Variants in COG3 observed in about 807,000 individuals in gnomAD.
COG3 encodes conserved oligomeric Golgi complex subunit 3.
In COG3, 32 loss-of-function variants were observed where a neutral mutation model predicts 114.1. That is an observed-to-expected ratio of 0.28 (90% CI 0.21 to 0.38). The LOEUF (loss-of-function observed/expected upper bound fraction) is 0.38, where lower values mean the gene tolerates loss of function less well. Among genes scored for constraint, COG3 ranks in the 10% least tolerant of loss-of-function variants. COG3 has a pLI of 1.00. For missense variants in COG3, 813 were observed against 973.2 expected, an observed-to-expected ratio of 0.84 and a Z score of 2.19; for synonymous variants, 352 against 365.7, an observed-to-expected ratio of 0.96 and a Z score of 0.43.
intron 1 of COG3, among the ~76,000 whole-genome samples, chr13:45,469,023 G>T (rs1314212600): frequency 2.0e-5 from 3 of 152,144 alleles, no homozygotes; most frequent in Non-Finnish European, 4.4e-5. Context: ...AACTTGTTTT[G>T]CTACTTTAAA....
chr13:45,525,162 T>C (rs898330864), intron 20 of COG3, 111 bp downstream of exon 20: 11 of 767,928 alleles, frequency 1.4e-5, no homozygotes, highest in Middle Eastern at 2.4e-4. Flanking sequence ...TCTGGGGTGC[T>C]GCAATCTGAG....
chr13:45,492,631 C>A (rs1039721985), intron 11 of COG3, among the ~76,000 whole-genome samples: 14 of 152,028 alleles, frequency 9.2e-5, no homozygotes, highest in African/African-American at 3.4e-4. Flanking sequence ...ATTTAATAAC[C>A]TTTTCTTTAT....
At chr13:45,493,835 A>G (rs1868398252) in intron 12 of COG3, 1 of 147,992 alleles carries the variant, frequency 6.8e-6, no homozygotes, top group Non-Finnish European at 1.4e-5. Flanking sequence ...AATTGAATAT[A>G]TTGTATACTT....
At chr13:45,520,317 A>G (rs1284097086) in intron 19 of COG3, among the ~76,000 whole-genome samples, 6 of 46,844 alleles carry the variant, frequency 1.3e-4, no homozygotes, top group Middle Eastern at 0.01. Flanking sequence ...ATAAAAATAA[A>G]AAAAGAGAAA....
chr13:45,503,421 G>C (rs1484316733), intron 14 of COG3, 72 bp downstream of exon 14: 15 of 814,490 alleles, frequency 1.8e-5, no homozygotes, highest in Non-Finnish European at 3.1e-5. Flanking sequence ...GACTTGTCCT[G>C]TCCCAGACAT....
At position 45,481,305 on chromosome 13, in the gene COG3, G is replaced by C; in HGVS notation, c.624+1G>C. On this transcript the variant is annotated splice_donor_variant, in intron 5 of 22. Coordinates refer to ENST00000349995, the MANE Select transcript of COG3 (RefSeq NM_031431.4). LOFTEE classifies it high-confidence loss of function. The stretch of plus-strand genomic sequence containing the variant: ...TAACGAATTGGAAACTATTAACACA[G>C]TAAGCATTGTTCTTTACTTCTTATA... The C allele has an allele frequency of 6.7e-7, 1 of 1,489,264 alleles. No homozygotes were observed. The highest frequency in any genetic ancestry group is 9.3e-7 in the Non-Finnish European group (1 of 1,072,616). 92.3% of individuals were successfully genotyped at this position (1,489,264 alleles called of 1,614,324 possible). A position where few individuals can be genotyped will look rare whatever the true frequency, so the allele number is the denominator to read the frequency against.
intron 12 of COG3, chr13:45,493,899 T>G (rs1203036749): frequency 6.5e-6 from 1 of 153,378 alleles, no homozygotes; most frequent in East Asian, 1.9e-4. Context: ...AGTTGATCTG[T>G]TTTGAAATTA....
At chr13:45,532,291 A>G (rs1334517692) in intron 22 of COG3, among the ~76,000 whole-genome samples, 3 of 152,168 alleles carry the variant, frequency 2.0e-5, no homozygotes. Flanking sequence ...AATACTTCCA[A>G]ATAATTTATT....
At chr13:45,525,633 G>GTTTTTTTT (rs1566273037) in intron 20 of COG3, among the ~76,000 whole-genome samples, 14 of 13,918 alleles carry the variant, frequency 1.0e-3, no homozygotes, top group African/African-American at 4.7e-3. Flanking sequence ...GAGGGCTTTG[G>GTTTTTTTT]GTTTTTTTTT....
At chr13:45,471,062 C>A (rs1248151601) in intron 1 of COG3, among the ~76,000 whole-genome samples, 3 of 152,146 alleles carry the variant, frequency 2.0e-5, no homozygotes, top group African/African-American at 7.2e-5. Context: ...TTAGTCACAG[C>A]CTACCTCTAA....
rs140737620 is a variant in COG3 at position 45,515,058 on chromosome 13, A to C, written c.1810-1085A>C. Among the ~76,000 whole-genome samples, 320 of 152,370 alleles carry C rather than the reference A, an allele frequency of 2.1e-3. 1 individual carries two copies. Among genetic ancestry groups the C allele is most frequent in the African/African-American group, 7.3e-3 (303 of 41,596 alleles). Reference sequence around the variant, plus strand: ...ACATACTTAAACTGAGCACCTGTCAACAAATTAACATGATACTATTTGCTG... The same window carrying C: ...ACATACTTAAACTGAGCACCTGTCACCAAATTAACATGATACTATTTGCTG... On this transcript the variant is annotated intron_variant, in intron 16 of 22. Coordinates refer to ENST00000349995, the MANE Select transcript of COG3 (RefSeq NM_031431.4).
intron 17 of COG3, among the ~76,000 whole-genome samples, chr13:45,517,395 A>T (rs1299526480): frequency 2.0e-5 from 3 of 152,182 alleles, no homozygotes; most frequent in Non-Finnish European, 4.4e-5. Context: ...TTCTTAAAAC[A>T]GTTTGCTCTA....
chr13:45,500,320 C>T (rs1006509949), intron 13 of COG3, among the ~76,000 whole-genome samples: 1 of 151,876 alleles, frequency 6.6e-6, no homozygotes, highest in African/African-American at 2.4e-5. Context: ...ACTAATCTTG[C>T]TTAATTAGTT....
intron 7 of COG3, 43 bp from the exon 8 acceptor site, chr13:45,486,452 T>C (rs375522948): frequency 5.7e-6 from 7 of 1,220,704 alleles, no homozygotes; most frequent in Non-Finnish European, 8.5e-6. Flanking sequence ...ATTATTTGTT[T>C]GCTAATTATC....
chr13:45,511,773 GT>G lies in COG3; in HGVS notation c.1730del (p.Phe577SerfsTer36). On this transcript the variant is annotated frameshift_variant, in exon 16 of 23. Transcript: ENST00000349995. LOFTEE classifies it high-confidence loss of function. ...KLYRCIDRAV[F>X]QGLSQEALSA... ...CTCTTTTATTCCACCAGAGGGCAGT[GT>G]TCCAAGGATTATCACAGGAAGCATT... The G allele has an allele frequency of 6.2e-7, 1 of 1,613,184 alleles. No homozygotes were observed.
Position 45,513,902 on chromosome 13 carries a change from T to C in COG3, c.1809+2048T>C, listed in dbSNP as rs1220645690. ...TAAAAATGAAACAATAAAATTTAAC[T>C]TAAACATATTAAGACAACAGGTATT... On this transcript the variant is annotated intron_variant, in intron 16 of 22. Transcript: ENST00000349995. 9.9e-5 allele frequency among the ~76,000 whole-genome samples: 15 copies of C among 152,188 alleles called. No individual in the cohort carries two copies. In the East Asian group the frequency reaches 2.5e-3, roughly 25 times the overall value.
At chr13:45,505,709 T>C (rs900167574) in intron 14 of COG3, among the ~76,000 whole-genome samples, 3 of 152,172 alleles carry the variant, frequency 2.0e-5, no homozygotes, top group Non-Finnish European at 4.4e-5. Context: ...TCCTCCTGTT[T>C]TGGCCTCCCA....
chr13:45,486,489 C>A lies in COG3; in HGVS notation c.844-6C>A, dbSNP rs1316134337. 6.3e-7 allele frequency: 1 copy of A among 1,577,620 alleles called. No individual in the cohort carries two copies. The highest frequency in any genetic ancestry group is 8.7e-7 in the Non-Finnish European group (1 of 1,147,120). On this transcript the variant is annotated splice_polypyrimidine_tract_variant and splice_region_variant and intron_variant, in intron 7 of 22. Coordinates refer to ENST00000349995, the MANE Select transcript of COG3 (RefSeq NM_031431.4). ...TCCTTCCTTATCCTCCCCCATGTTTCTTTAGGATCCTTCATCTGTACCTAA... is the reference window on the plus strand; with the variant it reads ...TCCTTCCTTATCCTCCCCCATGTTTATTTAGGATCCTTCATCTGTACCTAA...
chr13:45,487,446 T>C (rs569374730), intron 8 of COG3, among the ~76,000 whole-genome samples: 2 of 152,198 alleles, frequency 1.3e-5, no homozygotes, highest in South Asian at 4.2e-4. Flanking sequence ...ATTACCAGAG[T>C]GAAGAGACAA....
Sources: gnomAD v4.1 joint callset for allele counts (sites outside exome capture counted in the v4.1 genomes callset) on GRCh38, gnomAD v4.1.1 for gene constraint, MANE v1.5 for transcripts, NCBI Gene and HGNC (gene_info 2026-07-23, HGNC 2026-07-21) for gene names.